TSHZ1: variants seen among roughly 807,000 people sequenced by gnomAD.
TSHZ1 encodes the protein teashirt zinc finger homeobox 1.
A neutral mutation model predicts 67.1 loss-of-function variants in TSHZ1; 12 were observed. The observed-to-expected ratio is 0.18, with a 90% CI of 0.11 to 0.29. The LOEUF (loss-of-function observed/expected upper bound fraction) is 0.29, where lower values mean the gene tolerates loss of function less well. Ranked by LOEUF, TSHZ1 falls within the 10% of genes least tolerant of loss-of-function variation. The probability of loss-of-function intolerance (pLI) is 1.00; values close to 1 mark genes in which losing one functional copy is unlikely to be tolerated. For synonymous variants in TSHZ1, 632 were observed against 622.4 expected (o/e 1.02, Z -0.23); for missense variants, 1,305 against 1,413.9 (o/e 0.92, Z 1.23).
At chr18:75,227,413 G>A (rs764012094) in intron 1 of TSHZ1, among the ~76,000 whole-genome samples, 7 of 152,046 alleles carry the variant, frequency 4.6e-5, no homozygotes, top group Non-Finnish European at 1.0e-4. Flanking sequence ...AGGATATTTT[G>A]GAGGAGGAAG....
At chr18:75,226,393 C>A (rs1357182311) in intron 1 of TSHZ1, among the ~76,000 whole-genome samples, 14 of 152,146 alleles carry the variant, frequency 9.2e-5, no homozygotes, top group Admixed American at 9.2e-4. Context: ...CTATCAGGCA[C>A]TGTCTTATCT....
At position 75,288,662 on chromosome 18, in the gene TSHZ1, C is replaced by G. The variant is rs545577453; in HGVS notation, c.*21C>G. The G allele has an allele frequency of 1.9e-6, 3 of 1,554,826 alleles. No homozygotes were observed. The highest frequency in any genetic ancestry group is 2.7e-5 in the African/African-American group (2 of 72,784). ...AGTAGCGTCCAGGTATGCAAGAGAC[C>G]GCGGAACATTGCACTAAACGTCGTC... On this transcript the variant is annotated 3_prime_UTR_variant, in exon 2 of 2. Transcript: ENST00000580243. The surrounding 1 kb of genome is among the most constrained non-coding windows in gnomAD (Gnocchi z 4.9).
chr18:75,279,114 C>T lies in TSHZ1; in HGVS notation c.41-6334C>T, dbSNP rs796582587. 8.5e-5 allele frequency among the ~76,000 whole-genome samples: 13 copies of T among 152,076 alleles called. No individual in the cohort carries two copies. In the South Asian group the frequency reaches 2.3e-3, roughly 27 times the overall value. ...GAGAATGGTGAGGATGTGCTTTATT[C>T]GAGGGGGACAGGAGAGCTGCTTGGG... On this transcript the variant is annotated intron_variant, in intron 1 of 1. Transcript: ENST00000580243.
In TSHZ1 at chr18:75,252,065, ATGTC is replaced by A. The variant is rs569749147; in HGVS notation, c.41-33373_41-33370del. Among the ~76,000 whole-genome samples the A allele has an allele frequency of 2.7e-3, 409 of 152,272 alleles. 2 individuals are homozygous for A. Among genetic ancestry groups the A allele is most frequent in the African/African-American group, 9.5e-3 (393 of 41,538 alleles). On this transcript the variant is annotated intron_variant, in intron 1 of 1. Transcript: ENST00000580243. ...GATCACTTCCTATGCAGATCTATTA[ATGTC>A]TGTCTGTCTATCTATATTTATCTCT...
chr18:75,222,027 G>C (rs1183521528), intron 1 of TSHZ1, among the ~76,000 whole-genome samples: 1 of 152,194 alleles, frequency 6.6e-6, no homozygotes, highest in Non-Finnish European at 1.5e-5. Context: ...GCCAGGAAGT[G>C]ATTCAGATTG....
intron 1 of TSHZ1, among the ~76,000 whole-genome samples, chr18:75,240,677 C>T (rs924855910): frequency 1.2e-4 from 18 of 152,192 alleles, no homozygotes; most frequent in Admixed American, 4.6e-4. Flanking sequence ...CGGGGGCGCC[C>T]GTGAGCTCCT....
At chr18:75,279,738 A>G (rs1212859048) in intron 1 of TSHZ1, among the ~76,000 whole-genome samples, 1 of 152,196 alleles carries the variant, frequency 6.6e-6, no homozygotes, top group East Asian at 1.9e-4. Context: ...TTTTAACATT[A>G]AAACACAGTA....
chr18:75,263,964 T>C (rs7240517), intron 1 of TSHZ1, among the ~76,000 whole-genome samples: 2 of 152,248 alleles, frequency 1.3e-5, no homozygotes, highest in African/African-American at 4.8e-5. Context: ...ACTGTAGTTA[T>C]ACTACATTCT....
chr18:75,233,059 C>T (rs1484454665), intron 1 of TSHZ1, among the ~76,000 whole-genome samples: 1 of 152,166 alleles, frequency 6.6e-6, no homozygotes, highest in African/African-American at 2.4e-5. Context: ...TGCCTGTGTC[C>T]AGCAGCCTGG....
At chr18:75,220,062 G>A (rs1276611244) in intron 1 of TSHZ1, among the ~76,000 whole-genome samples, 1 of 152,172 alleles carries the variant, frequency 6.6e-6, no homozygotes, top group Non-Finnish European at 1.5e-5. Context: ...GCATAAAGAG[G>A]AGTTTTGTTA....
At chr18:75,214,332 T>TA (rs1392362889) in intron 1 of TSHZ1, among the ~76,000 whole-genome samples, 4 of 152,244 alleles carry the variant, frequency 2.6e-5, no homozygotes, top group African/African-American at 9.6e-5. Context: ...TCCTTCATCT[T>TA]AAGCGTTTAA....
At chr18:75,252,443 T>G (rs1049334464) in intron 1 of TSHZ1, among the ~76,000 whole-genome samples, 2 of 152,224 alleles carry the variant, frequency 1.3e-5, no homozygotes, top group Non-Finnish European at 2.9e-5. Flanking sequence ...TTTTGATATA[T>G]TGAGTTGTTT....
At chr18:75,217,414 A>G (rs1271579361) in intron 1 of TSHZ1, among the ~76,000 whole-genome samples, 1 of 151,212 alleles carries the variant, frequency 6.6e-6, no homozygotes, top group African/African-American at 2.4e-5. Flanking sequence ...TTTTTATTTT[A>G]TAGACCAAAT....
chr18:75,260,980 G>A (rs990203483), intron 1 of TSHZ1, among the ~76,000 whole-genome samples: 1 of 152,096 alleles, frequency 6.6e-6, no homozygotes. Flanking sequence ...CCTTTTTCCT[G>A]GCTGTGGATC....
chr18:75,229,996 G>T (rs997355841), intron 1 of TSHZ1, among the ~76,000 whole-genome samples: 3 of 152,150 alleles, frequency 2.0e-5, no homozygotes, highest in Admixed American at 2.0e-4. Flanking sequence ...GTATTTTAGA[G>T]GACAAATACC....
chr18:75,266,436 G>T (rs979865376), intron 1 of TSHZ1, among the ~76,000 whole-genome samples: 1 of 152,284 alleles, frequency 6.6e-6, no homozygotes, highest in African/African-American at 2.4e-5. Context: ...AATGAGGCAG[G>T]AGATTCGAGG....
In TSHZ1 at chr18:75,226,862, C is replaced by T. The variant is rs559704682; in HGVS notation, c.40+14946C>T. 7.2e-5 allele frequency among the ~76,000 whole-genome samples: 11 copies of T among 152,328 alleles called. No homozygotes were observed. The East Asian group carries it at 2.1e-3, about 29-fold the overall frequency. ...CTTGCCAGGAAAGCCTGTGATGTTT[C>T]TGTCTTCAGAGCATTACTGTAAGTC... On this transcript the variant is annotated intron_variant, in intron 1 of 1. Coordinates refer to ENST00000580243, the MANE Select transcript of TSHZ1 (RefSeq NM_001308210.2).
chr18:75,258,232 T>A (rs968837754), intron 1 of TSHZ1, among the ~76,000 whole-genome samples: 2 of 152,198 alleles, frequency 1.3e-5, no homozygotes, highest in Non-Finnish European at 2.9e-5. Context: ...GTGCACGTGG[T>A]ACCCACTGTC....
Position 75,285,550 on chromosome 18 carries a change from A to G in TSHZ1, c.143A>G (p.Asn48Ser), listed in dbSNP as rs2023740704. 3 of 1,582,720 alleles carry G rather than the reference A, an allele frequency of 1.9e-6. No individual in the cohort carries two copies. Among genetic ancestry groups the G allele is most frequent in the Non-Finnish European group, 2.6e-6 (3 of 1,159,142 alleles). Residue 48 changes from asparagine to serine, a missense_variant, in exon 2 of 2, where the codon AAT becomes AGT. Coordinates refer to ENST00000580243, the MANE Select transcript of TSHZ1 (RefSeq NM_001308210.2). ...ATTCAGGAAAGTGAGTACATGTGCA[A>G]TGAAGAGACGGAGATCAAAGAGGCG... ...LDIQESEYMC[N>S]EETEIKEAQS...
Sources: gnomAD v4.1 joint callset for allele counts (sites outside exome capture counted in the v4.1 genomes callset) on GRCh38, gnomAD v4.1.1 for gene constraint, Gnocchi (gnomAD v3.1) non-coding constraint, MANE v1.5 for transcripts, NCBI Gene and HGNC (gene_info 2026-07-23, HGNC 2026-07-21) for gene names.